PEX5L: variants seen among roughly 807,000 people sequenced by gnomAD.
PEX5L encodes peroxisomal biogenesis factor 5 like.
In PEX5L, 30 loss-of-function variants were observed where a neutral mutation model predicts 84.0. The observed-to-expected ratio is 0.36, with a 90% CI of 0.27 to 0.48. PEX5L has a LOEUF of 0.48. Ranked by LOEUF, PEX5L falls within the 20% of genes least tolerant of loss-of-function variation. PEX5L has a pLI of 0.99. For missense variants in PEX5L, 533 were observed against 754.6 expected (o/e 0.71, Z 3.44); for synonymous variants, 270 against 283.1 (o/e 0.95, Z 0.46).
At chr3:179,837,834 G>A (rs1346718264) in intron 8 of PEX5L, among the ~76,000 whole-genome samples, 1 of 152,182 alleles carries the variant, frequency 6.6e-6, no homozygotes, top group Non-Finnish European at 1.5e-5. Flanking sequence ...AGGCTGCTTG[G>A]TTAAAACAGG....
At chr3:179,868,786 T>C (rs1365044086) in intron 7 of PEX5L, among the ~76,000 whole-genome samples, 3 of 152,060 alleles carry the variant, frequency 2.0e-5, no homozygotes, top group Non-Finnish European at 2.9e-5. Context: ...CTCCCTCCCA[T>C]AACGCATCCT....
intron 4 of PEX5L, among the ~76,000 whole-genome samples, chr3:179,884,524 A>G (rs1755161407): frequency 6.6e-6 from 1 of 152,178 alleles, no homozygotes; most frequent in Non-Finnish European, 1.5e-5. Context: ...TGACATCTTG[A>G]TTTTAGGATA....
intron 2 of PEX5L, among the ~76,000 whole-genome samples, chr3:179,908,618 C>G (rs1203123469): frequency 9.6e-5 from 13 of 135,706 alleles, no homozygotes; most frequent in Admixed American, 6.1e-4. Context: ...TCCCTCCCCC[C>G]TCCCCCTACT....
chr3:180,015,797 T>C (rs1235924145), intron 1 of PEX5L, among the ~76,000 whole-genome samples: 2 of 150,918 alleles, frequency 1.3e-5, no homozygotes, highest in Non-Finnish European at 3.0e-5. Flanking sequence ...TAGAAGAGAT[T>C]TGAAACTAAT....
chr3:179,840,183 G>GTTTTTT (rs71182521), intron 8 of PEX5L, among the ~76,000 whole-genome samples: 11 of 78,716 alleles, frequency 1.4e-4, no homozygotes, highest in East Asian at 4.6e-4. Flanking sequence ...GTGTGTGTGT[G>GTTTTTT]TTTTTTTTTT....
At chr3:179,825,790 A>G (rs1285367400) in intron 8 of PEX5L, among the ~76,000 whole-genome samples, 1 of 152,242 alleles carries the variant, frequency 6.6e-6, no homozygotes, top group Non-Finnish European at 1.5e-5. Context: ...TCTTAAGAGT[A>G]AGCGTTAAGC....
intron 4 of PEX5L, among the ~76,000 whole-genome samples, chr3:179,885,029 TA>T (rs1457788175): frequency 5.3e-5 from 8 of 152,022 alleles, no homozygotes; most frequent in African/African-American, 1.9e-4. Context: ...TAAAAATATA[TA>T]ATATTTTTGC....
At chr3:179,937,508 C>T (rs578132893) in intron 2 of PEX5L, among the ~76,000 whole-genome samples, 1 of 152,290 alleles carries the variant, frequency 6.6e-6, no homozygotes, top group African/African-American at 2.4e-5. Flanking sequence ...CTCTGGCCTC[C>T]TTTCATGTAA....
chr3:179,916,352 A>G (rs1442714359), intron 2 of PEX5L, among the ~76,000 whole-genome samples: 1 of 152,248 alleles, frequency 6.6e-6, no homozygotes, highest in Non-Finnish European at 1.5e-5. Flanking sequence ...GTTTGCAATT[A>G]TAACACAATG....
intron 9 of PEX5L, among the ~76,000 whole-genome samples, chr3:179,819,625 A>G (rs547581978): frequency 6.6e-6 from 1 of 152,304 alleles, no homozygotes; most frequent in Admixed American, 6.5e-5. Context: ...TCAGCTGCCA[A>G]ACTGTCTGTC....
chr3:179,884,747 A>G (rs1305618450), intron 4 of PEX5L, among the ~76,000 whole-genome samples: 2 of 152,140 alleles, frequency 1.3e-5, no homozygotes, highest in Non-Finnish European at 2.9e-5. Context: ...GCTTTGATTC[A>G]TTTGTTTGTT....
In PEX5L at chr3:179,830,504, C is replaced by T. The variant is rs552417777; in HGVS notation, c.823-10528G>A. Among the ~76,000 whole-genome samples the T allele has an allele frequency of 1.8e-4, 28 of 152,204 alleles. No individual in the cohort carries two copies. In the East Asian group the frequency reaches 2.5e-3, roughly 14 times the overall value. On this transcript the variant is annotated intron_variant, in intron 8 of 14. Coordinates refer to ENST00000467460, the MANE Select transcript of PEX5L (RefSeq NM_016559.3). ...CATGGATCTGGTGCTGGTGGCATCA[C>T]GTGGGAAGGTGAATGTGTCTGTGTT...
intron 2 of PEX5L, among the ~76,000 whole-genome samples, chr3:179,941,673 A>G (rs1413581058): frequency 6.6e-6 from 1 of 152,196 alleles, no homozygotes; most frequent in East Asian, 1.9e-4. Flanking sequence ...GTGAGTAGAA[A>G]ACTTTCCAAC....
At chr3:179,868,276 G>A (rs1475897604) in intron 7 of PEX5L, among the ~76,000 whole-genome samples, 1 of 151,612 alleles carries the variant, frequency 6.6e-6, no homozygotes, top group African/African-American at 2.4e-5. Context: ...TCTCTAAGAT[G>A]TATTTTTCTT....
At chr3:179,902,359 C>T (rs774361221) in intron 2 of PEX5L, among the ~76,000 whole-genome samples, 3 of 152,160 alleles carry the variant, frequency 2.0e-5, no homozygotes, top group African/African-American at 7.2e-5. Flanking sequence ...CATAAATGTC[C>T]GTTGTTCATG....
intron 8 of PEX5L, among the ~76,000 whole-genome samples, chr3:179,825,051 A>C (rs1317395597): frequency 6.6e-6 from 1 of 152,188 alleles, no homozygotes; most frequent in Non-Finnish European, 1.5e-5. Flanking sequence ...AATTAGTTTG[A>C]GCTCTTAGTA....
At chr3:180,036,518 A>C (rs2108390753) in intron 1 of PEX5L, 61 bp downstream of exon 1, 2,185 of 1,502,732 alleles carry the variant, frequency 1.5e-3, no homozygotes, top group Non-Finnish European at 1.8e-3. Context: ...AAACTTGGTG[A>C]ACCGCCTTGC....
chr3:179,887,907 T>C, intron 3 of PEX5L, 123 bp from the exon 4 acceptor site: 1 of 712,358 alleles, frequency 1.4e-6, no homozygotes, highest in South Asian at 1.8e-5. Flanking sequence ...AATACATAAA[T>C]AAATAATGGG....
chr3:179,948,304 C>G (rs1393064306), intron 2 of PEX5L, among the ~76,000 whole-genome samples: 1 of 152,154 alleles, frequency 6.6e-6, no homozygotes, highest in African/African-American at 2.4e-5. Flanking sequence ...AAACAAAATC[C>G]TGAGCAATTC....
Sources: allele counts gnomAD v4.1 joint callset (sites outside exome capture counted in the v4.1 genomes callset), GRCh38; gene constraint gnomAD v4.1.1; transcripts MANE v1.5; gene names NCBI Gene and HGNC (gene_info 2026-07-23, HGNC 2026-07-21).